Variants in PRELID2 observed in about 807,000 individuals in gnomAD.
PRELID2 encodes PRELI domain containing 2.
Under a neutral mutation model 28.4 loss-of-function variants are expected in PRELID2, and 25 were observed. The ratio of observed to expected loss-of-function variants is 0.88; its 90% CI spans 0.64 to 1.23. The LOEUF (loss-of-function observed/expected upper bound fraction) is 1.23, where lower values mean the gene tolerates loss of function less well. PRELID2 is among the 50% of genes most tolerant of loss of function. The probability of loss-of-function intolerance (pLI) is 0.00; values close to 1 mark genes in which losing one functional copy is unlikely to be tolerated. For missense variants in PRELID2, 201 were observed against 214.4 expected, an observed-to-expected ratio of 0.94 and a Z score of 0.39; for synonymous variants, 76 against 71.6, an observed-to-expected ratio of 1.06 and a Z score of -0.31.
At chr5:145,397,882 C>T in the PRELID2 span, among the ~76,000 whole-genome samples, 6 of 152,036 alleles carry the variant, frequency 3.9e-5, no homozygotes, top group Non-Finnish European at 8.8e-5. Flanking sequence ...GTAGTTGTGG[C>T]GGGAATATAT....
intron 4 of PRELID2, among the ~76,000 whole-genome samples, chr5:145,802,971 G>C (rs771652762): frequency 5.3e-5 from 8 of 152,130 alleles, no homozygotes; most frequent in Non-Finnish European, 8.8e-5. Flanking sequence ...ATGAGATCCT[G>C]TCCTTGAATT....
chr5:145,709,582 T>TA (rs1402726346), intron 1 of PRELID2, among the ~76,000 whole-genome samples: 1,506 of 140,506 alleles, frequency 0.011, 9 homozygotes, highest in African/African-American at 0.015. Context: ...GATCTGTATT[T>TA]AAAAAAAAAA....
chr5:145,656,997 C>A (rs1754407717), intron 1 of PRELID2, among the ~76,000 whole-genome samples: 1 of 152,146 alleles, frequency 6.6e-6, no homozygotes, highest in Non-Finnish European at 1.5e-5. Flanking sequence ...TTAGAACACA[C>A]AGACAAAAGC....
intron 4 of PRELID2, among the ~76,000 whole-genome samples, chr5:145,813,614 A>G (rs1451286832): frequency 6.6e-6 from 1 of 152,202 alleles, no homozygotes; most frequent in Non-Finnish European, 1.5e-5. Flanking sequence ...TTAGCAATCT[A>G]CTGACTGTAT....
At chr5:145,579,738 G>A (rs1753092029) in intron 1 of PRELID2, among the ~76,000 whole-genome samples, 1 of 152,076 alleles carries the variant, frequency 6.6e-6, no homozygotes, top group Non-Finnish European at 1.5e-5. Flanking sequence ...CTGAGGAGGG[G>A]TGTTGGCAAG....
At position 145,662,717 on chromosome 5, in the gene PRELID2, A is replaced by G. The variant is rs937552944; in HGVS notation, n.70+102214T>C. ...GAGAAATCTGAGCTAGCATGTGAACAGGCTCAGCCCCATTGTCTGTAATTC... is the reference window on the plus strand; with the variant it reads ...GAGAAATCTGAGCTAGCATGTGAACGGGCTCAGCCCCATTGTCTGTAATTC... On this transcript the variant is annotated intron_variant and non_coding_transcript_variant, in intron 1 of 2. Coordinates refer to the PRELID2 transcript ENST00000510259. Among the ~76,000 whole-genome samples the G allele has an allele frequency of 7.4e-4, 113 of 152,216 alleles. 2 individuals are homozygous for G. The highest frequency in any genetic ancestry group is 2.7e-3 in the African/African-American group (112 of 41,552).
chr5:145,325,775 CT>C, the PRELID2 span, among the ~76,000 whole-genome samples: 2 of 152,022 alleles, frequency 1.3e-5, no homozygotes, highest in African/African-American at 4.8e-5. Flanking sequence ...TTTTTCTTGT[CT>C]TTTTTCTGCT....
At chr5:145,501,551 G>A (rs1682904214) in intron 1 of PRELID2, among the ~76,000 whole-genome samples, 1 of 152,062 alleles carries the variant, frequency 6.6e-6, no homozygotes, top group African/African-American at 2.4e-5. Context: ...GAGAGCTGAT[G>A]GTTTTATAAG....
At chr5:145,739,686 T>C (rs1756596558) in intron 1 of PRELID2, among the ~76,000 whole-genome samples, 1 of 152,070 alleles carries the variant, frequency 6.6e-6, no homozygotes, top group South Asian at 2.1e-4. Context: ...ATTTAAATAA[T>C]TGATTATAAA....
chr5:145,674,131 T>A (rs892360300), intron 1 of PRELID2, among the ~76,000 whole-genome samples: 21 of 152,218 alleles, frequency 1.4e-4, no homozygotes, highest in Admixed American at 1.0e-3. Flanking sequence ...AGATGGTTTT[T>A]CAAACCTACA....
intron 1 of PRELID2, among the ~76,000 whole-genome samples, chr5:145,741,934 TATAA>T (rs1266094475): frequency 2.9e-3 from 114 of 38,972 alleles, no homozygotes; most frequent in African/African-American, 5.0e-3. Context: ...ATAAATTTAT[TATAA>T]ATAAATAAAT....
the PRELID2 span, among the ~76,000 whole-genome samples, chr5:145,422,777 T>G: frequency 2.0e-5 from 3 of 152,036 alleles, no homozygotes; most frequent in Non-Finnish European, 2.9e-5. Flanking sequence ...ATCCTGTCAT[T>G]ATGATGTTAG....
intron 5 of PRELID2, among the ~76,000 whole-genome samples, chr5:145,781,535 G>A (rs1339065452): frequency 6.6e-6 from 1 of 150,922 alleles, no homozygotes; most frequent in Non-Finnish European, 1.5e-5. Flanking sequence ...CACACAATGT[G>A]CAGATGCAGC....
chr5:145,459,448 CA>C, the PRELID2 span, among the ~76,000 whole-genome samples: 1 of 151,234 alleles, frequency 6.6e-6, no homozygotes. Context: ...CTAGAAAAGT[CA>C]AAAAAAATAA....
At chr5:145,565,779 G>A (rs1342136600) in intron 1 of PRELID2, among the ~76,000 whole-genome samples, 6 of 152,184 alleles carry the variant, frequency 3.9e-5, no homozygotes, top group Admixed American at 2.6e-4. Context: ...GCTCCTCATG[G>A]TGGCGAGATG....
At chr5:145,551,746 C>G (rs539054668) in intron 1 of PRELID2, among the ~76,000 whole-genome samples, 2 of 152,242 alleles carry the variant, frequency 1.3e-5, no homozygotes, top group African/African-American at 2.4e-5. Flanking sequence ...TAAAGAGACT[C>G]TTTACAAAAG....
At chr5:145,370,105 G>A in the PRELID2 span, among the ~76,000 whole-genome samples, 6 of 152,206 alleles carry the variant, frequency 3.9e-5, no homozygotes, top group African/African-American at 1.4e-4. Context: ...CTTTTGCTGA[G>A]CAGAAAGTCT....
At chr5:145,831,781 T>C (rs184752054) in intron 1 of PRELID2, among the ~76,000 whole-genome samples, 7 of 152,218 alleles carry the variant, frequency 4.6e-5, no homozygotes, top group Admixed American at 3.3e-4. Context: ...CCCAGTTCTG[T>C]TTCCCAGTTC....
At chr5:145,446,605 G>A in the PRELID2 span, among the ~76,000 whole-genome samples, 10 of 152,258 alleles carry the variant, frequency 6.6e-5, no homozygotes, top group African/African-American at 2.2e-4. Context: ...ATATAGAACT[G>A]GCAATTTGCC....
Sources: gnomAD v4.1 joint callset for allele counts (sites outside exome capture counted in the v4.1 genomes callset) on GRCh38, gnomAD v4.1.1 for gene constraint, MANE v1.5 for transcripts, NCBI Gene and HGNC (gene_info 2026-07-23, HGNC 2026-07-21) for gene names.